Variants in GALNTL6 observed in about 807,000 individuals in gnomAD.
GALNTL6 encodes polypeptide N-acetylgalactosaminyltransferase like 6, also known as polypeptide N-acetylgalactosaminyltransferase-like 6.
GALNTL6 carries 46 observed loss-of-function variants against 73.7 expected under a neutral mutation model. That is an observed-to-expected ratio of 0.62 (90% confidence interval 0.49 to 0.80). The LOEUF (loss-of-function observed/expected upper bound fraction) is 0.80. Ranked by LOEUF, GALNTL6 falls within the 30% of genes least tolerant of loss-of-function variation. The pLI, the probability that GALNTL6 is intolerant of heterozygous loss-of-function variation, is 0.00. For missense variants in GALNTL6, 604 were observed against 755.0 expected, an observed-to-expected ratio of 0.80 and a Z score of 2.34; for synonymous variants, 259 against 263.7, an observed-to-expected ratio of 0.98 and a Z score of 0.17.
chr4:172,741,297 G>C (rs2110737663), intron 5 of GALNTL6, among the ~76,000 whole-genome samples: 1 of 152,202 alleles, frequency 6.6e-6, no homozygotes, highest in Admixed American at 6.5e-5. Context: ...TGCTTAAGAA[G>C]CCGGAAGCTG....
Position 172,860,207 on chromosome 4 carries a change from G to A in GALNTL6, c.924-22583G>A, listed in dbSNP as rs182233654. On this transcript the variant is annotated intron_variant, in intron 7 of 12. Transcript: ENST00000506823. ...CTGTGTTGCACATATATTGTTCACT[G>A]ATGAGATTGTAACCAATTTGAGGAC... 5.7e-3 allele frequency among the ~76,000 whole-genome samples: 868 copies of A among 152,206 alleles called. 8 individuals are homozygous for A. Among genetic ancestry groups the A allele is most frequent in the Admixed American group, 7.8e-3 (120 of 15,300 alleles).
intron 5 of GALNTL6, among the ~76,000 whole-genome samples, chr4:172,376,956 C>T (rs924963588): frequency 2.6e-5 from 4 of 152,134 alleles, no homozygotes; most frequent in South Asian, 2.1e-4. Flanking sequence ...TGGAGACCTT[C>T]GTGGTGAGTG....
At chr4:172,411,085 C>A (rs1407844122) in intron 5 of GALNTL6, among the ~76,000 whole-genome samples, 1 of 152,028 alleles carries the variant, frequency 6.6e-6, no homozygotes, top group Non-Finnish European at 1.5e-5. Context: ...ATAAAAGGAA[C>A]AACTTTTTGA....
intron 11 of GALNTL6, 58 bp downstream of exon 11, chr4:173,009,352 C>T: frequency 1.0e-6 from 1 of 977,068 alleles, no homozygotes. Context: ...GATGCAGACA[C>T]AGAGGGATGC....
At chr4:172,773,805 C>T (rs1738911838) in intron 5 of GALNTL6, among the ~76,000 whole-genome samples, 1 of 152,152 alleles carries the variant, frequency 6.6e-6, no homozygotes, top group South Asian at 2.1e-4. Flanking sequence ...GTAGCCCATG[C>T]TTTTTCTATA....
rs528031392 is a variant in GALNTL6, at chr4:172,395,483, A to G, written c.553+46794A>G. Among the ~76,000 whole-genome samples the G allele has an allele frequency of 1.5e-4, 23 of 152,246 alleles. 1 individual carries two copies. The South Asian group carries it at 1.9e-3, about 12-fold the overall frequency. ...GTTGTTACCTTGTGACCTTTAGACT[A>G]TCTTATTATTGTCAACATACAATAT... On this transcript the variant is annotated intron_variant, in intron 5 of 12. Coordinates refer to ENST00000506823, the MANE Select transcript of GALNTL6 (RefSeq NM_001034845.3).
intron 5 of GALNTL6, among the ~76,000 whole-genome samples, chr4:172,496,428 G>A (rs931191484): frequency 3.3e-5 from 5 of 152,020 alleles, no homozygotes; most frequent in Admixed American, 1.3e-4. Flanking sequence ...AGTGGCTCAC[G>A]CCTGTAATCC....
intron 7 of GALNTL6, among the ~76,000 whole-genome samples, chr4:172,825,227 C>T (rs907921129): frequency 1.3e-5 from 2 of 151,248 alleles, no homozygotes; most frequent in African/African-American, 4.9e-5. Flanking sequence ...TCCTGGAGTG[C>T]CAATGAAAAT....
intron 5 of GALNTL6, among the ~76,000 whole-genome samples, chr4:172,563,373 T>C (rs1189199183): frequency 1.3e-5 from 2 of 152,160 alleles, no homozygotes; most frequent in African/African-American, 4.8e-5. Flanking sequence ...AATCCCGCCT[T>C]CACTTCAATG....
intron 5 of GALNTL6, among the ~76,000 whole-genome samples, chr4:172,449,934 C>G (rs949344465): frequency 6.6e-6 from 1 of 152,112 alleles, no homozygotes; most frequent in African/African-American, 2.4e-5. Flanking sequence ...AGCTGCCTCC[C>G]CCTGTTGGGT....
chr4:172,078,289 C>T (rs76782773), intron 2 of GALNTL6, among the ~76,000 whole-genome samples: 1,702 of 152,220 alleles, frequency 0.011, 39 homozygotes, highest in African/African-American at 0.038. Context: ...AAGTGTACGG[C>T]ACATCCCCCT....
chr4:172,831,633 TG>T (rs775643342), intron 7 of GALNTL6, among the ~76,000 whole-genome samples: 2 of 152,228 alleles, frequency 1.3e-5, no homozygotes, highest in Middle Eastern at 6.8e-3. Flanking sequence ...GAACTGGATG[TG>T]GGGTCTGGCT....
At chr4:172,600,495 T>C (rs183629666) in intron 5 of GALNTL6, among the ~76,000 whole-genome samples, 1 of 152,180 alleles carries the variant, frequency 6.6e-6, no homozygotes, top group Admixed American at 6.6e-5. Context: ...AGTAGTAGAA[T>C]ACTGGAGAGG....
At chr4:171,979,736 A>G (rs2111077711) in intron 2 of GALNTL6, among the ~76,000 whole-genome samples, 1 of 152,340 alleles carries the variant, frequency 6.6e-6, no homozygotes, top group South Asian at 2.1e-4. Context: ...ATCTGCAGGG[A>G]ATATCAGAAG....
At chr4:171,892,573 G>A (rs1051237520) in intron 2 of GALNTL6, among the ~76,000 whole-genome samples, 5 of 151,998 alleles carry the variant, frequency 3.3e-5, no homozygotes, top group African/African-American at 4.8e-5. Context: ...TACAAATAAC[G>A]TTTTTTAAGA....
chr4:172,809,614 G>C lies in GALNTL6; in HGVS notation c.739+68G>C. The C allele has an allele frequency of 2.3e-6, 3 of 1,327,412 alleles. No individual in the cohort carries two copies. In the South Asian group the frequency reaches 4.4e-5, roughly 20 times the overall value. 82.2% of individuals were successfully genotyped at this position (1,327,412 alleles called of 1,614,324 possible). A position where few individuals can be genotyped will look rare whatever the true frequency, so the allele number is the denominator to read the frequency against. ...GAACTGAGCGGTTTGCTTCTATTTA[G>C]TTTGCAATCAGCAAACACTAGAGGT... On this transcript the variant is annotated intron_variant, in intron 6 of 12. Transcript: ENST00000506823. This position sits in a 1 kb window ranked among gnomAD's most constrained non-coding sequence, Gnocchi z 4.4.
intron 7 of GALNTL6, among the ~76,000 whole-genome samples, chr4:172,865,885 C>T (rs999322749): frequency 7.9e-5 from 12 of 152,178 alleles, no homozygotes; most frequent in Admixed American, 7.2e-4. Context: ...AAACCGAACT[C>T]ATAATCTCAC....
chr4:172,264,246 C>G (rs1052329108), intron 3 of GALNTL6, among the ~76,000 whole-genome samples: 1 of 151,184 alleles, frequency 6.6e-6, no homozygotes, highest in African/African-American at 2.4e-5. Context: ...GAAATGTTCA[C>G]TCTATATGGG....
chr4:172,672,976 C>A (rs539964850), intron 5 of GALNTL6, among the ~76,000 whole-genome samples: 4 of 152,140 alleles, frequency 2.6e-5, no homozygotes, highest in Admixed American at 1.3e-4. Context: ...AAATGAGCTT[C>A]TGGATTAATT....
Sources: allele counts gnomAD v4.1 joint callset (sites outside exome capture counted in the v4.1 genomes callset), GRCh38; gene constraint gnomAD v4.1.1; non-coding constraint Gnocchi (gnomAD v3.1); transcripts MANE v1.5; gene names NCBI Gene and HGNC (gene_info 2026-07-23, HGNC 2026-07-21).